LAMA2: variants seen among roughly 807,000 people sequenced by gnomAD.
LAMA2 encodes the protein laminin subunit alpha 2.
Under a neutral mutation model 364.8 loss-of-function variants are expected in LAMA2, and 269 were observed. That is an observed-to-expected ratio of 0.74 (90% CI 0.67 to 0.82). LAMA2 has a LOEUF of 0.82. LAMA2 is among the 40% of genes least tolerant of loss of function. The probability of loss-of-function intolerance (pLI) is 0.00; values close to 1 mark genes in which losing one functional copy is unlikely to be tolerated. For synonymous variants in LAMA2, 1,379 were observed against 1,370.6 expected, an observed-to-expected ratio of 1.01 and a Z score of -0.14; for missense variants, 3,807 against 3,873.2, an observed-to-expected ratio of 0.98 and a Z score of 0.45.
At chr6:129,507,717 TA>T in intron 62 of LAMA2, 75 bp downstream of exon 62, 1 of 1,445,698 alleles carries the variant, frequency 6.9e-7, no homozygotes, top group Non-Finnish European at 9.7e-7. Flanking sequence ...TACCAAATAA[TA>T]AAAGTTCCTA....
At chr6:129,254,314 T>C (rs989681007) in intron 14 of LAMA2, among the ~76,000 whole-genome samples, 1 of 152,252 alleles carries the variant, frequency 6.6e-6, no homozygotes, top group Non-Finnish European at 1.5e-5. Flanking sequence ...TCAAGAATTT[T>C]GACTTTTGTT....
In LAMA2 at chr6:128,939,715, G is replaced by T. The variant is rs922084390; in HGVS notation, c.112+56358G>T. On this transcript the variant is annotated intron_variant, in intron 1 of 64. Transcript: ENST00000421865. Reference sequence around the variant, plus strand: ...TCAATAAGAAGCAAATGCTCAAGGAGCTTGAGTAGAGACGGGAATAGGCAT... The same window carrying T: ...TCAATAAGAAGCAAATGCTCAAGGATCTTGAGTAGAGACGGGAATAGGCAT... Among the ~76,000 whole-genome samples, 3 of 152,064 alleles carry T rather than the reference G, an allele frequency of 2.0e-5. No homozygotes were observed. The East Asian group carries it at 5.8e-4, about 29-fold the overall frequency.
intron 30 of LAMA2, among the ~76,000 whole-genome samples, chr6:129,344,288 G>A (rs1776426499): frequency 6.6e-6 from 1 of 152,262 alleles, no homozygotes; most frequent in Non-Finnish European, 1.5e-5. Flanking sequence ...TAATAAGAAT[G>A]GAGACAAAGG....
chr6:128,997,370 G>GAA lies in LAMA2; in HGVS notation c.113-52547_113-52546insAA, dbSNP rs1240220981. Among the ~76,000 whole-genome samples, 13 of 140,614 alleles carry GAA rather than the reference G, an allele frequency of 9.2e-5. No homozygotes were observed. In the South Asian group the frequency reaches 1.0e-3, roughly 11 times the overall value. The allele number at this position is 140,614 out of a possible 152,430, so 92.2% of individuals were successfully genotyped here. On this transcript the variant is annotated intron_variant, in intron 1 of 64. Coordinates refer to ENST00000421865, the MANE Select transcript of LAMA2 (RefSeq NM_000426.4). ...AGAAAGAAAGAACGAAAGAAAGAAA[G>GAA]AGAGAGAGAGAAAGGAAGAGAGGGA...
chr6:129,365,509 C>G (rs1451969104), intron 32 of LAMA2, among the ~76,000 whole-genome samples: 1 of 151,956 alleles, frequency 6.6e-6, no homozygotes, highest in South Asian at 2.1e-4. Context: ...ACTACAGGGG[C>G]CCGCCACCAC....
chr6:129,365,511 C>T lies in LAMA2; in HGVS notation c.4718-708C>T, dbSNP rs566812534. Among the ~76,000 whole-genome samples, 13 of 151,968 alleles carry T rather than the reference C, an allele frequency of 8.6e-5. No homozygotes were observed. In the South Asian group the frequency reaches 1.5e-3, roughly 17 times the overall value. On this transcript the variant is annotated intron_variant, in intron 32 of 64. Transcript: ENST00000421865. Reference sequence around the variant, plus strand: ...CTGGGTAGCTGAGACTACAGGGGCCCGCCACCACGCCTGGCTAATTTTTGT... The same window carrying T: ...CTGGGTAGCTGAGACTACAGGGGCCTGCCACCACGCCTGGCTAATTTTTGT...
At position 129,096,480 on chromosome 6, in the gene LAMA2, TA is replaced by T. The variant is rs1206321543; in HGVS notation, c.397-1692del. Among the ~76,000 whole-genome samples the T allele has an allele frequency of 3.2e-4, 48 of 152,182 alleles. 1 individual carries two copies. Among genetic ancestry groups the T allele is most frequent in the Admixed American group, 3.1e-3 (48 of 15,282 alleles). Reference sequence around the variant, plus strand: ...AAATGTCTTGGCATATTCAAGCAGTTACAGGCACATACATAGATATGTGTGT... The same window carrying T: ...AAATGTCTTGGCATATTCAAGCAGTTCAGGCACATACATAGATATGTGTGT... On this transcript the variant is annotated intron_variant, in intron 3 of 64. Transcript: ENST00000421865.
At chr6:129,287,740 TAAAAG>T in intron 18 of LAMA2, 102 bp from the exon 19 acceptor site, 1 of 985,778 alleles carries the variant, frequency 1.0e-6, no homozygotes, top group Middle Eastern at 3.1e-4. Flanking sequence ...AAGGAACACT[TAAAAG>T]GAAAATCCAT....
chr6:129,129,361 C>T (rs1028723770), intron 4 of LAMA2, among the ~76,000 whole-genome samples: 21 of 152,122 alleles, frequency 1.4e-4, no homozygotes, highest in African/African-American at 4.8e-4. Flanking sequence ...ATGTGTTAAC[C>T]TACATACAAA....
At position 129,252,276 on chromosome 6, in the gene LAMA2, G is replaced by A. The variant is rs1436165325; in HGVS notation, c.2077G>A (p.Gly693Arg). The part of the protein sequence containing the change: ...RVLLQITYSF[G>R]MDAIFRLSSV... ...CCTCCTACAAATCACATACAGCTTT[G>A]GGATGGATGCCATCTTCAGGTAAAA... The change falls in exon 14 of 65, where the codon GGG becomes AGG. Residue 693 changes from glycine (G) to arginine (R), a missense_variant. Transcript: ENST00000421865. 1 of 1,613,316 alleles carries A rather than the reference G, an allele frequency of 6.2e-7. No individual in the cohort carries two copies. The highest frequency in any genetic ancestry group is 1.1e-5 in the South Asian group (1 of 91,054).
rs545419110 is a variant in LAMA2 at position 128,995,046 on chromosome 6, TAAC to T, written c.113-54866_113-54864del. ...GTGATATACCATATTTTTGTCATAGTAACAACAATTTAATTCTGATTCTCCTAT... is the reference window on the plus strand; with the variant it reads ...GTGATATACCATATTTTTGTCATAGTAACAATTTAATTCTGATTCTCCTAT... On this transcript the variant is annotated intron_variant, in intron 1 of 64. Coordinates refer to ENST00000421865, the MANE Select transcript of LAMA2 (RefSeq NM_000426.4). 4.4e-3 allele frequency among the ~76,000 whole-genome samples: 671 copies of T among 152,328 alleles called. 4 individuals are homozygous for T. Among genetic ancestry groups the T allele is most frequent in the African/African-American group, 0.015 (642 of 41,572 alleles).
intron 4 of LAMA2, among the ~76,000 whole-genome samples, chr6:129,099,111 G>C (rs1430673954): frequency 7.2e-6 from 1 of 138,222 alleles, no homozygotes; most frequent in Non-Finnish European, 1.5e-5. Context: ...TGGGGGCGGG[G>C]AGGTTTTTTT....
At position 129,454,313 on chromosome 6, in the gene LAMA2, A is replaced by G. The variant is rs376144897; in HGVS notation, c.6707+25A>G. ...GGTAACCAACTTAATAAAGATTAAG[A>G]TAATTAAATGATAGAATTTTGAAGT... On this transcript the variant is annotated intron_variant, in intron 47 of 64. Transcript: ENST00000421865. The G allele has an allele frequency of 1.4e-5, 22 of 1,584,966 alleles. No homozygotes were observed. The African/African-American group carries it at 2.8e-4, about 20-fold the overall frequency.
At chr6:128,988,567 A>T (rs1783415421) in intron 1 of LAMA2, among the ~76,000 whole-genome samples, 1 of 152,216 alleles carries the variant, frequency 6.6e-6, no homozygotes, top group South Asian at 2.1e-4. Context: ...AAAGAGAGGA[A>T]GCCCAATCCG....
At chr6:129,211,506 G>C (rs538036946) in intron 12 of LAMA2, among the ~76,000 whole-genome samples, 1 of 152,132 alleles carries the variant, frequency 6.6e-6, no homozygotes, top group East Asian at 1.9e-4. Context: ...TTCAATGAAA[G>C]CTCAGAGACC....
rs915544580 is a variant in LAMA2 at position 129,351,740 on chromosome 6, A to C, written c.4524-1424A>C. 9.2e-5 allele frequency among the ~76,000 whole-genome samples: 14 copies of C among 152,286 alleles called. 1 individual carries two copies. Among genetic ancestry groups the C allele is most frequent in the African/African-American group, 3.1e-4 (13 of 41,548 alleles). On this transcript the variant is annotated intron_variant, in intron 31 of 64. Transcript: ENST00000421865. ...TACTCTTGTAATAAACTCTTTGAAC[A>C]TTTAATCAATCTGAATCTGCTTAGA...
intron 40 of LAMA2, among the ~76,000 whole-genome samples, chr6:129,423,791 G>A (rs1583713012): frequency 1.3e-5 from 2 of 152,026 alleles, no homozygotes; most frequent in Admixed American, 6.6e-5. Flanking sequence ...GATATACCAT[G>A]TTCATAGATC....
intron 1 of LAMA2, among the ~76,000 whole-genome samples, chr6:128,913,488 T>C (rs777657451): frequency 4.6e-5 from 7 of 152,344 alleles, no homozygotes; most frequent in Admixed American, 4.6e-4. Flanking sequence ...CTTTGCTTCA[T>C]TGTTGTTTAG....
chr6:129,459,164 G>C (rs1462696642), intron 48 of LAMA2, among the ~76,000 whole-genome samples: 3 of 152,018 alleles, frequency 2.0e-5, no homozygotes, highest in Non-Finnish European at 4.4e-5. Context: ...CTGCTCCAAG[G>C]CTAGAGCCTG....
Sources: gnomAD v4.1 joint callset for allele counts (sites outside exome capture counted in the v4.1 genomes callset) on GRCh38, gnomAD v4.1.1 for gene constraint, MANE v1.5 for transcripts, NCBI Gene and HGNC (gene_info 2026-07-23, HGNC 2026-07-21) for gene names.